Variants in NRIP1 observed in about 807,000 individuals in gnomAD.
NRIP1 encodes nuclear receptor interacting protein 1, also known as nuclear receptor-interacting protein 1.
A neutral mutation model predicts 75.0 loss-of-function variants in NRIP1; 28 were observed. The observed-to-expected ratio is 0.37, with a 90% CI of 0.28 to 0.51. The LOEUF is 0.51. NRIP1 is among the 20% of genes least tolerant of loss of function. NRIP1 has a pLI of 0.92. For missense variants in NRIP1, 1,435 were observed against 1,343.7 expected, an observed-to-expected ratio of 1.07 and a Z score of -1.06; for synonymous variants, 526 against 487.6, an observed-to-expected ratio of 1.08 and a Z score of -1.04.
chr21:14,982,621 C>T (rs1040548125), intron 3 of NRIP1, among the ~76,000 whole-genome samples: 15 of 152,180 alleles, frequency 9.9e-5, no homozygotes, highest in African/African-American at 3.6e-4. Context: ...ATCTTTCAAT[C>T]ATCTTGCTTA....
intron 2 of NRIP1, among the ~76,000 whole-genome samples, chr21:15,041,399 C>A (rs192366755): frequency 2.3e-3 from 343 of 152,194 alleles, no homozygotes; most frequent in Non-Finnish European, 3.2e-3. Context: ...GTTACTCAGA[C>A]TATACTTACA....
At chr21:14,983,037 C>T (rs2087289377) in intron 3 of NRIP1, among the ~76,000 whole-genome samples, 1 of 151,976 alleles carries the variant, frequency 6.6e-6, no homozygotes, top group Admixed American at 6.6e-5. Context: ...TTGCCTGAGA[C>T]ACAACAATAT....
At chr21:14,981,285 G>A (rs1011804746) in intron 3 of NRIP1, among the ~76,000 whole-genome samples, 1 of 152,224 alleles carries the variant, frequency 6.6e-6, no homozygotes, top group African/African-American at 2.4e-5. Context: ...TTTTATTGAA[G>A]AAACTGCGGT....
chr21:15,051,664 T>C (rs1206646905), intron 1 of NRIP1: 1 of 152,248 alleles, frequency 6.6e-6, no homozygotes, highest in South Asian at 2.1e-4. Context: ...CAAGAAAGTA[T>C]AATACTCTAT....
intron 2 of NRIP1, among the ~76,000 whole-genome samples, chr21:15,028,187 G>A (rs1232474528): frequency 1.3e-5 from 2 of 152,088 alleles, no homozygotes; most frequent in African/African-American, 2.4e-5. Context: ...TCTTAGCTAC[G>A]TGCTGCATTC....
At chr21:15,028,992 G>A (rs1310634894) in intron 2 of NRIP1, among the ~76,000 whole-genome samples, 1 of 151,788 alleles carries the variant, frequency 6.6e-6, no homozygotes, top group Non-Finnish European at 1.5e-5. Flanking sequence ...TGCCATCCGA[G>A]ATGCCTCTCT....
chr21:14,995,072 T>A (rs567669940), intron 3 of NRIP1, among the ~76,000 whole-genome samples: 5 of 152,344 alleles, frequency 3.3e-5, no homozygotes, highest in African/African-American at 9.6e-5. Flanking sequence ...CATTAAATGA[T>A]GGTATTGCAA....
In NRIP1 at chr21:14,962,839, T is replaced by C. The variant is rs2086627159; in HGVS notation, c.*1877A>G. The C allele has an allele frequency of 1.3e-5, 2 of 151,830 alleles. No homozygotes were observed. The highest frequency in any genetic ancestry group is 6.6e-5 in the Admixed American group (1 of 15,164). The allele number at this position is 151,830 out of a possible 1,614,324, so 9.4% of individuals were successfully genotyped here. ...AGATCATATTAGGAAATCACACCTA[T>C]TTTTAATATAAAAATCTTAGAAACC... On this transcript the variant is annotated 3_prime_UTR_variant, in exon 4 of 4. Transcript: ENST00000318948.
At chr21:14,976,688 C>G (rs1004378797) in intron 3 of NRIP1, among the ~76,000 whole-genome samples, 3 of 152,028 alleles carry the variant, frequency 2.0e-5, no homozygotes, top group African/African-American at 7.2e-5. Context: ...TGATAAAATC[C>G]AAGTGATAAA....
At chr21:15,055,494 T>C (rs2089286911) in intron 1 of NRIP1, among the ~76,000 whole-genome samples, 1 of 152,130 alleles carries the variant, frequency 6.6e-6, no homozygotes, top group Non-Finnish European at 1.5e-5. Context: ...TCCTAAGACT[T>C]TTATGAAGAC....
At chr21:14,985,550 GGAATTACC>G (rs1282152563) in intron 3 of NRIP1, among the ~76,000 whole-genome samples, 1 of 151,966 alleles carries the variant, frequency 6.6e-6, no homozygotes, top group South Asian at 2.1e-4. Flanking sequence ...CCAAAGTGCT[GGAATTACC>G]AGTGTGAGCC....
chr21:14,964,665 G>T lies in NRIP1; in HGVS notation c.*51C>A. The T allele has an allele frequency of 7.6e-7, 1 of 1,322,864 alleles. No homozygotes were observed. Among genetic ancestry groups the T allele is most frequent in the Non-Finnish European group, 1.0e-6 (1 of 966,336 alleles). 81.9% of individuals were successfully genotyped at this position (1,322,864 alleles called of 1,614,324 possible). ...ATGCTCTTATTTATACAGATCTCAA[G>T]TTCATACTCATTAGTTTTAAAAAGA... On this transcript the variant is annotated 3_prime_UTR_variant, in exon 4 of 4. Transcript: ENST00000318948.
intron 3 of NRIP1, among the ~76,000 whole-genome samples, chr21:14,976,553 A>G (rs1419058546): frequency 6.6e-6 from 1 of 152,168 alleles, no homozygotes; most frequent in African/African-American, 2.4e-5. Context: ...CAGTTCACAA[A>G]TGGGTGCTAT....
chr21:15,047,999 G>A (rs1296676688), intron 1 of NRIP1, among the ~76,000 whole-genome samples: 1 of 152,110 alleles, frequency 6.6e-6, no homozygotes, highest in African/African-American at 2.4e-5. Flanking sequence ...ATATTGTTGT[G>A]TCTCAAGGAA....
At chr21:14,999,670 C>A (rs965390790) in intron 3 of NRIP1, among the ~76,000 whole-genome samples, 1 of 152,108 alleles carries the variant, frequency 6.6e-6, no homozygotes, top group Admixed American at 6.6e-5. Context: ...ATCAGTTAAA[C>A]GAACTCTTTA....
intron 2 of NRIP1, among the ~76,000 whole-genome samples, chr21:15,018,648 T>C (rs1227128632): frequency 6.6e-6 from 1 of 152,100 alleles, no homozygotes; most frequent in Non-Finnish European, 1.5e-5. Flanking sequence ...GATGTGAGCA[T>C]AAAGGATGAT....
At chr21:15,049,590 T>C (rs1208880661) in intron 1 of NRIP1, among the ~76,000 whole-genome samples, 2 of 152,118 alleles carry the variant, frequency 1.3e-5, no homozygotes, top group Non-Finnish European at 2.9e-5. Flanking sequence ...GTTTATAATA[T>C]TAGTACATAT....
At chr21:15,011,062 T>C (rs1169136727) in intron 3 of NRIP1, among the ~76,000 whole-genome samples, 1 of 152,168 alleles carries the variant, frequency 6.6e-6, no homozygotes, top group Non-Finnish European at 1.5e-5. Context: ...TTTAAACACA[T>C]TTTACAAAGA....
intron 3 of NRIP1, among the ~76,000 whole-genome samples, chr21:14,999,738 G>A (rs557935268): frequency 6.6e-6 from 1 of 152,208 alleles, no homozygotes; most frequent in African/African-American, 2.4e-5. Flanking sequence ...AGCTAACACT[G>A]GATACCAAGT....
Sources: gnomAD v4.1 joint callset for allele counts (sites outside exome capture counted in the v4.1 genomes callset) on GRCh38, gnomAD v4.1.1 for gene constraint, MANE v1.5 for transcripts, NCBI Gene and HGNC (gene_info 2026-07-23, HGNC 2026-07-21) for gene names.